ABCC3: variants seen among roughly 807,000 people sequenced by gnomAD.
ABCC3 encodes the protein ATP-binding cassette sub-family C member 3.
ABCC3 carries 121 observed loss-of-function variants against 165.3 expected under a neutral mutation model. The observed-to-expected ratio is 0.73, with a 90% CI of 0.63 to 0.85. ABCC3 has a LOEUF of 0.85. Among genes scored for constraint, ABCC3 ranks in the 40% least tolerant of loss-of-function variants. ABCC3 has a pLI of 0.00. For synonymous variants in ABCC3, 733 were observed against 810.1 expected (o/e 0.90, Z 1.62); for missense variants, 1,869 against 1,964.1 (o/e 0.95, Z 0.92).
chr17:50,657,722 C>A (rs1192039685), intron 4 of ABCC3, among the ~76,000 whole-genome samples: 5 of 152,200 alleles, frequency 3.3e-5, no homozygotes. Flanking sequence ...TGTGAACAAC[C>A]CACTTACTCC....
At chr17:50,656,581 C>A in intron 2 of ABCC3, 121 bp from the exon 3 acceptor site, 1 of 1,373,024 alleles carries the variant, frequency 7.3e-7, no homozygotes, top group Non-Finnish European at 9.9e-7. Flanking sequence ...ATTCCCAGAC[C>A]TCAGTGCCAG....
intron 17 of ABCC3, 85 bp from the exon 18 acceptor site, chr17:50,672,886 T>A (rs1597856023): frequency 6.0e-6 from 7 of 1,165,792 alleles, no homozygotes; most frequent in East Asian, 2.6e-5. Flanking sequence ...AAAAAAAAAA[T>A]CTGCCATCCC....
chr17:50,637,533 G>A (rs1416638184), intron 1 of ABCC3, among the ~76,000 whole-genome samples: 1 of 152,202 alleles, frequency 6.6e-6, no homozygotes, highest in Admixed American at 6.5e-5. Flanking sequence ...AGGGCAGCCC[G>A]GAAGTACCTG....
At chr17:50,673,775 G>A in intron 19 of ABCC3, 117 bp downstream of exon 19, 1 of 1,069,280 alleles carries the variant, frequency 9.4e-7, no homozygotes, top group Non-Finnish European at 1.3e-6. Context: ...TGGGAAACTT[G>A]GGCCATCTGT....
chr17:50,635,763 A>G (rs1246880182), intron 1 of ABCC3: 2 of 598,978 alleles, frequency 3.3e-6, no homozygotes, highest in Non-Finnish European at 6.0e-6. Context: ...TCACGCCTGT[A>G]ATCCCACCCT....
At position 50,677,806 on chromosome 17, in the gene ABCC3, C is replaced by G; in HGVS notation, c.3441C>G (p.Ile1147Met). Reference protein sequence around the residue: ...KRLESVSRSPIYSHFSETVTG... With the variant: ...KRLESVSRSPMYSHFSETVTG... ...TGGAATCAGTCAGCCGCTCACCTAT[C>G]TACTCCCACTTTTCGGAGACAGTGA... is the stretch of plus-strand genomic sequence containing the variant. Residue 1147 changes from isoleucine to methionine, a missense_variant, in exon 24 of 31, where the codon ATC (isoleucine) becomes ATG (methionine). By Grantham distance (10) the Ile-to-Met change is conservative (BLOSUM62 1). Transcript: ENST00000285238. 6.2e-7 allele frequency: 1 copy of G among 1,614,162 alleles called. No homozygotes were observed. Among genetic ancestry groups the G allele is most frequent in the Non-Finnish European group, 8.5e-7 (1 of 1,180,022 alleles).
At chr17:50,649,493 G>A (rs970650003) in intron 1 of ABCC3, among the ~76,000 whole-genome samples, 3 of 151,888 alleles carry the variant, frequency 2.0e-5, no homozygotes, top group South Asian at 4.1e-4. Flanking sequence ...CTCAAGTTAC[G>A]TTGCAGTTTG....
intron 25 of ABCC3, 95 bp from the exon 26 acceptor site, chr17:50,679,703 G>T: frequency 8.3e-7 from 1 of 1,200,780 alleles, no homozygotes; most frequent in Non-Finnish European, 1.2e-6. Context: ...AGGATCCCAT[G>T]GATGGGCACA....
rs902916346 is a variant in ABCC3 at position 50,667,980 on chromosome 17, C to G, written c.1753C>G (p.Leu585Val). 1.2e-6 allele frequency: 2 copies of G among 1,614,180 alleles called. No homozygotes were observed. Among genetic ancestry groups the G allele is most frequent in the Non-Finnish European group, 1.7e-6 (2 of 1,180,032 alleles). ...FNILRLPLNMLPQLISNLTQA... is the reference protein window; with the variant it reads ...FNILRLPLNMVPQLISNLTQA... ...TATCTTAAGACTTCCCCTCAACATGCTGCCCCAGTTAATCAGCAACCTGAC... is the reference window on the plus strand; with the variant it reads ...TATCTTAAGACTTCCCCTCAACATGGTGCCCCAGTTAATCAGCAACCTGAC... Residue 585 changes from leucine (L) to valine (V), a missense_variant, in exon 13 of 31, where the codon CTG (leucine) becomes GTG (valine). By Grantham distance (32) the Leu-to-Val change is conservative. Transcript: ENST00000285238.
At chr17:50,665,740 G>A (rs1013393770) in intron 11 of ABCC3, among the ~76,000 whole-genome samples, 2 of 151,604 alleles carry the variant, frequency 1.3e-5, no homozygotes, top group Non-Finnish European at 2.9e-5. Flanking sequence ...CTAGTAGCTG[G>A]GACTACAGGC....
intron 30 of ABCC3, among the ~76,000 whole-genome samples, chr17:50,688,932 G>A (rs1968071611): frequency 6.6e-6 from 1 of 151,742 alleles, no homozygotes; most frequent in Admixed American, 6.6e-5. Flanking sequence ...GGCCAACGCG[G>A]TGGCTCACAC....
chr17:50,649,689 G>T (rs1274593130), intron 1 of ABCC3, among the ~76,000 whole-genome samples: 1 of 139,074 alleles, frequency 7.2e-6, no homozygotes, highest in East Asian at 2.4e-4. Flanking sequence ...GGAGGGAAGG[G>T]AAGGAGGGAG....
At chr17:50,680,678 G>A (rs1007836761) in intron 26 of ABCC3, among the ~76,000 whole-genome samples, 5 of 152,020 alleles carry the variant, frequency 3.3e-5, no homozygotes, top group African/African-American at 1.2e-4. Flanking sequence ...GCTCTCACCT[G>A]CCTTGCCCTT....
chr17:50,680,647 CTA>C, intron 26 of ABCC3, among the ~76,000 whole-genome samples: 1 of 152,156 alleles, frequency 6.6e-6, no homozygotes, highest in African/African-American at 2.4e-5. Flanking sequence ...AGCCTAGAGT[CTA>C]TGCTCCACCA....
At chr17:50,670,530 T>C (rs1178327139) in intron 17 of ABCC3, among the ~76,000 whole-genome samples, 1 of 152,188 alleles carries the variant, frequency 6.6e-6, no homozygotes, top group Non-Finnish European at 1.5e-5. Context: ...CGGGCTAATA[T>C]CTCTACCTTC....
In ABCC3 at chr17:50,677,843, G is replaced by A; in HGVS notation, c.3478G>A (p.Val1160Ile). 6.2e-7 allele frequency: 1 copy of A among 1,614,158 alleles called. No individual in the cohort carries two copies. The highest frequency in any genetic ancestry group is 8.5e-7 in the Non-Finnish European group (1 of 1,180,038). Residue 1160 changes from valine (V) to isoleucine (I), a missense_variant, in exon 24 of 31, where the codon GTC (valine) becomes ATC (isoleucine). Coordinates refer to ENST00000285238, the MANE Select transcript of ABCC3 (RefSeq NM_003786.4). ...TTCGGAGACAGTGACTGGTGCCAGT[G>A]TCATCCGGGCCTACAACCGCAGCCG... is the stretch of plus-strand genomic sequence containing the variant. ...HFSETVTGAS[V>I]IRAYNRSRDF...
At chr17:50,668,334 G>C in intron 13 of ABCC3, 96 bp from the exon 14 acceptor site, 1 of 1,051,504 alleles carries the variant, frequency 9.5e-7, no homozygotes, top group Non-Finnish European at 1.4e-6. Context: ...GCCCTCAGGG[G>C]GTCCTGCCTA....
intron 26 of ABCC3, among the ~76,000 whole-genome samples, chr17:50,681,703 G>A (rs536208116): frequency 5.9e-5 from 9 of 152,278 alleles, no homozygotes; most frequent in Admixed American, 5.2e-4. Context: ...CTCGCTCCAC[G>A]GAGACAGCTC....
chr17:50,647,199 TG>T (rs1967018193), intron 1 of ABCC3, among the ~76,000 whole-genome samples: 1 of 152,144 alleles, frequency 6.6e-6, no homozygotes, highest in Non-Finnish European at 1.5e-5. Flanking sequence ...TTTTAAGCTG[TG>T]TGACCTTGGC....
Sources: gnomAD v4.1 joint callset for allele counts (sites outside exome capture counted in the v4.1 genomes callset) on GRCh38, gnomAD v4.1.1 for gene constraint, MANE v1.5 for transcripts, NCBI Gene and HGNC (gene_info 2026-07-23, HGNC 2026-07-21) for gene names.